The following APBA1 variants were observed in gnomAD, a reference collection of about 807,000 sequenced individuals.
APBA1 encodes amyloid-beta A4 precursor protein-binding family A member 1.
In APBA1, 55 loss-of-function variants were observed where a neutral mutation model predicts 86.6. The ratio of observed to expected loss-of-function variants is 0.64; its 90% confidence interval spans 0.51 to 0.80. The LOEUF is 0.80. Ranked by LOEUF, APBA1 falls within the 30% of genes least tolerant of loss-of-function variation. The pLI is 0.00. For missense variants in APBA1, 1,090 were observed against 1,183.0 expected, an observed-to-expected ratio of 0.92 and a Z score of 1.15; for synonymous variants, 511 against 493.9, an observed-to-expected ratio of 1.03 and a Z score of -0.46.
intron 1 of APBA1, among the ~76,000 whole-genome samples, chr9:69,616,897 T>C (rs902284449): frequency 3.9e-5 from 6 of 152,188 alleles, no homozygotes; most frequent in Admixed American, 3.9e-4. Context: ...TATTTTAAGA[T>C]GTTTAAGACC....
intron 1 of APBA1, among the ~76,000 whole-genome samples, chr9:69,535,889 TTTGTTTGAAGTGTCC>T (rs1224803464): frequency 6.6e-6 from 1 of 152,170 alleles, no homozygotes; most frequent in African/African-American, 2.4e-5. Flanking sequence ...AGAGCTCTTC[TTTGTTTGAAGTGTCC>T]TGGTTTGCCT....
At chr9:69,602,609 C>G (rs1249012512) in intron 1 of APBA1, among the ~76,000 whole-genome samples, 1 of 151,912 alleles carries the variant, frequency 6.6e-6, no homozygotes, top group Admixed American at 6.6e-5. Flanking sequence ...AAAGAAATCA[C>G]AGACCTATTA....
At position 69,517,012 on chromosome 9, in the gene APBA1, C is replaced by G; in HGVS notation, c.199G>C (p.Glu67Gln). 2 of 1,578,370 alleles carry G rather than the reference C, an allele frequency of 1.3e-6. No individual in the cohort carries two copies. The highest frequency in any genetic ancestry group is 1.7e-6 in the Non-Finnish European group (2 of 1,168,958). The change falls in exon 2 of 13, where the codon GAG (glutamate) becomes CAG (glutamine). Residue 67 changes from glutamate (E) to glutamine (Q), a missense_variant. Glu to Gln is a conservative substitution (Grantham distance 29). This residue lies in a region of APBA1 where 678 missense variants were observed against 647.1 expected (regional missense o/e 1.05). Coordinates refer to ENST00000265381, the MANE Select transcript of APBA1 (RefSeq NM_001163.4). ...AGGCATTCCCCGCGCTCCTCTTCCT[C>G]CTGGCCGAGCTGGGCGCGGAGGTCC... ...LEDLRAQLGQ[E>Q]EEERGECLAR... is the part of the protein sequence containing the mutation.
chr9:69,437,158 G>A (rs1478143661), intron 11 of APBA1, among the ~76,000 whole-genome samples: 1 of 151,808 alleles, frequency 6.6e-6, no homozygotes, highest in African/African-American at 2.4e-5. Flanking sequence ...GCTTTTTGAT[G>A]TGTTGCTGGA....
intron 6 of APBA1, among the ~76,000 whole-genome samples, chr9:69,457,460 C>T (rs562772928): frequency 3.3e-5 from 5 of 152,170 alleles, no homozygotes; most frequent in African/African-American, 1.2e-4. Flanking sequence ...TGGAGCCCAA[C>T]AGATTGAAGA....
At chr9:69,635,072 A>C (rs1309626047) in intron 1 of APBA1, among the ~76,000 whole-genome samples, 3 of 152,214 alleles carry the variant, frequency 2.0e-5, no homozygotes, top group Admixed American at 6.5e-5. Flanking sequence ...ACAGAAAAAC[A>C]CAGAATATTA....
intron 1 of APBA1, among the ~76,000 whole-genome samples, chr9:69,608,450 T>G (rs1822519183): frequency 6.6e-6 from 1 of 152,150 alleles, no homozygotes; most frequent in Non-Finnish European, 1.5e-5. Flanking sequence ...GAATATTCAC[T>G]GTTGTTACCC....
At chr9:69,503,400 T>C (rs1166658342) in intron 2 of APBA1, among the ~76,000 whole-genome samples, 1 of 152,120 alleles carries the variant, frequency 6.6e-6, no homozygotes, top group African/African-American at 2.4e-5. Flanking sequence ...AATAGCATGT[T>C]TATACTGCCT....
In APBA1 at chr9:69,516,440, G is replaced by C. The variant is rs1295468624; in HGVS notation, c.771C>G (p.Pro257=). 1 of 1,604,462 alleles carries C rather than the reference G, an allele frequency of 6.2e-7. No homozygotes were observed. The highest frequency in any genetic ancestry group is 1.1e-5 in the South Asian group (1 of 91,024). ...GCTCGTAGCTGTCCATGCGCGGGTA[G>C]GGCGCGAACTCGGCCTCCTTCTCGG... ...DSPEKEAEFA[P]YPRMDSYEQE... The change falls in exon 2 of 13, where the codon CCC becomes CCG. Residue 257 remains proline (P), a synonymous_variant. Coordinates refer to ENST00000265381, the MANE Select transcript of APBA1 (RefSeq NM_001163.4). The surrounding 1 kb of genome is among the most constrained non-coding windows in gnomAD (Gnocchi z 7.3).
intron 1 of APBA1, among the ~76,000 whole-genome samples, chr9:69,605,299 A>C (rs1822450265): frequency 6.6e-6 from 1 of 152,202 alleles, no homozygotes; most frequent in African/African-American, 2.4e-5. Context: ...GCCTCCCCAG[A>C]GCAAACTAAA....
At chr9:69,546,060 A>G (rs1009607036) in intron 1 of APBA1, among the ~76,000 whole-genome samples, 1 of 152,226 alleles carries the variant, frequency 6.6e-6, no homozygotes, top group East Asian at 1.9e-4. Context: ...AATTTACTTT[A>G]AAAAATTAGG....
intron 1 of APBA1, among the ~76,000 whole-genome samples, chr9:69,669,596 C>T (rs754339066): frequency 6.6e-6 from 1 of 152,056 alleles, no homozygotes; most frequent in African/African-American, 2.4e-5. Context: ...GGCAGCATAG[C>T]GAGACTCTAT....
intron 1 of APBA1, among the ~76,000 whole-genome samples, chr9:69,624,575 G>A (rs533647263): frequency 1.5e-4 from 23 of 152,240 alleles, no homozygotes; most frequent in African/African-American, 4.8e-4. Context: ...AGGTCAAAAT[G>A]ACTGGTTTCT....
intron 2 of APBA1, among the ~76,000 whole-genome samples, chr9:69,493,599 T>C (rs1376960253): frequency 6.6e-6 from 1 of 152,140 alleles, no homozygotes; most frequent in Non-Finnish European, 1.5e-5. Context: ...AAGTACAATA[T>C]TTTAATAAGC....
Position 69,475,489 on chromosome 9 carries a change from C to T in APBA1, c.1296+559G>A, listed in dbSNP as rs532301594. ...GCACTGCACCAGCAAGAGAGAAGGG[C>T]GCTCATAAGATGGGCTGCCTGGACA... On this transcript the variant is annotated intron_variant, in intron 3 of 12. Coordinates refer to ENST00000265381, the MANE Select transcript of APBA1 (RefSeq NM_001163.4). 2.0e-5 allele frequency among the ~76,000 whole-genome samples: 3 copies of T among 152,286 alleles called. No individual in the cohort carries two copies. In the South Asian group the frequency reaches 6.2e-4, roughly 32 times the overall value.
chr9:69,500,455 G>A (rs1437396424), intron 2 of APBA1, among the ~76,000 whole-genome samples: 1 of 152,212 alleles, frequency 6.6e-6, no homozygotes, highest in East Asian at 1.9e-4. Flanking sequence ...TGGGAGGAAA[G>A]CAGGTGACAA....
At chr9:69,651,633 G>A (rs913173607) in intron 1 of APBA1, among the ~76,000 whole-genome samples, 7 of 152,052 alleles carry the variant, frequency 4.6e-5, no homozygotes, top group African/African-American at 1.4e-4. Flanking sequence ...CCACCACCAT[G>A]CCCAGCTAAT....
At chr9:69,431,497 G>C (rs1834595267) in intron 12 of APBA1, 99 bp from the exon 13 acceptor site, 1 of 1,059,194 alleles carries the variant, frequency 9.4e-7, no homozygotes, top group African/African-American at 1.6e-5. Flanking sequence ...CTCTCCCACA[G>C]AGGGCTTTGA....
At chr9:69,582,687 C>T (rs949533208) in intron 1 of APBA1, among the ~76,000 whole-genome samples, 1 of 152,122 alleles carries the variant, frequency 6.6e-6, no homozygotes, top group Non-Finnish European at 1.5e-5. Flanking sequence ...ATTTTGGTCC[C>T]ACTTCACCAG....
Sources: allele counts gnomAD v4.1 joint callset (sites outside exome capture counted in the v4.1 genomes callset), GRCh38; gene constraint gnomAD v4.1.1; regional missense constraint gnomAD v4.1.1; non-coding constraint Gnocchi (gnomAD v3.1); transcripts MANE v1.5; gene names NCBI Gene and HGNC (gene_info 2026-07-23, HGNC 2026-07-21).